NCAPD2: variants seen among roughly 807,000 people sequenced by gnomAD.
NCAPD2 encodes condensin complex subunit 1.
Under a neutral mutation model 164.5 loss-of-function variants are expected in NCAPD2, and 100 were observed. The ratio of observed to expected loss-of-function variants is 0.61; its 90% CI spans 0.52 to 0.72. NCAPD2 has a LOEUF of 0.72. Ranked by LOEUF, NCAPD2 falls within the 30% of genes least tolerant of loss-of-function variation. The pLI, the probability that NCAPD2 is intolerant of heterozygous loss-of-function variation, is 0.00. For missense variants in NCAPD2, 1,560 were observed against 1,749.2 expected, an observed-to-expected ratio of 0.89 and a Z score of 1.93; for synonymous variants, 585 against 642.6, an observed-to-expected ratio of 0.91 and a Z score of 1.36.
At chr12:6,510,607 T>TC (rs1443873754) in intron 4 of NCAPD2, 22 bp from the exon 5 acceptor site, 1 of 1,613,662 alleles carries the variant, frequency 6.2e-7, no homozygotes, top group Admixed American at 1.7e-5. Context: ...TGAAACTGAC[T>TC]CCAAGATTCT....
At chr12:6,499,964 T>C (rs1278614557) in intron 2 of NCAPD2, among the ~76,000 whole-genome samples, 1 of 151,874 alleles carries the variant, frequency 6.6e-6, no homozygotes, top group Non-Finnish European at 1.5e-5. Flanking sequence ...CTACCAAAAT[T>C]ACAAAAAAGT....
At chr12:6,506,440 AT>A (rs1238521505) in intron 2 of NCAPD2, among the ~76,000 whole-genome samples, 1 of 151,962 alleles carries the variant, frequency 6.6e-6, no homozygotes, top group Non-Finnish European at 1.5e-5. Context: ...AGTACAAAAA[AT>A]TAGCCGGGCA....
chr12:6,518,204 C>T, intron 13 of NCAPD2: 1 of 315,004 alleles, frequency 3.2e-6, no homozygotes, highest in Non-Finnish European at 5.9e-6. Flanking sequence ...TATAATCAAA[C>T]ATGAGTCCTC....
At chr12:6,508,068 C>T (rs1230567624) in intron 2 of NCAPD2, among the ~76,000 whole-genome samples, 2 of 152,174 alleles carry the variant, frequency 1.3e-5, no homozygotes, top group Admixed American at 6.5e-5. Context: ...CAGTGGCTCA[C>T]GCCTGTAATC....
intron 27 of NCAPD2, 96 bp from the exon 28 acceptor site, chr12:6,529,417 G>C (rs960726959): frequency 6.3e-6 from 7 of 1,111,636 alleles, no homozygotes; most frequent in Non-Finnish European, 9.6e-6. Context: ...GAGAACATCA[G>C]AGAAGACGAG....
rs150767309 is a variant in NCAPD2, at chr12:6,528,114, C to T, written c.3143+23C>T. On this transcript the variant is annotated intron_variant, in intron 24 of 31. Coordinates refer to ENST00000315579, the MANE Select transcript of NCAPD2 (RefSeq NM_014865.4). The surrounding 1 kb of genome is among the most constrained non-coding windows in gnomAD (Gnocchi z 5.1). Reference sequence around the variant, plus strand: ...CAGGTAGGCCGTGGGGTTGGTACCCCCTTCTCAAGGAAGATGGGGATGAAA... The same window carrying T: ...CAGGTAGGCCGTGGGGTTGGTACCCTCTTCTCAAGGAAGATGGGGATGAAA... 12 of 1,614,204 alleles carry T rather than the reference C, an allele frequency of 7.4e-6. No homozygotes were observed. In the South Asian group the frequency reaches 8.8e-5, roughly 12 times the overall value.
Position 6,528,148 on chromosome 12 carries a change from C to T in NCAPD2, c.3144-25C>T. 18 of 1,614,200 alleles carry T rather than the reference C, an allele frequency of 1.1e-5. No homozygotes were observed. The highest frequency in any genetic ancestry group is 1.4e-5 in the Non-Finnish European group (17 of 1,180,030). ...GGAAGATGGGGATGAAATGGCTTCC[C>T]TAATGATCCTCTTCTTGCTCTTAGT... On this transcript the variant is annotated intron_variant, in intron 24 of 31. Coordinates refer to ENST00000315579, the MANE Select transcript of NCAPD2 (RefSeq NM_014865.4). This position sits in a 1 kb window ranked among gnomAD's most constrained non-coding sequence, Gnocchi z 5.1.
rs1488373909 is a variant in NCAPD2, at chr12:6,495,174, T to C, written c.76T>C (p.Tyr26His). ...ELLKSGGVNQ[Y>H]VVQEVLSIKH... is the part of the protein sequence containing the mutation. ...GTTGAAAAGTGGAGGGGTGAATCAGTATGTTGTGCAAGAGGTACTGTCCAT... is the reference window on the plus strand; with the variant it reads ...GTTGAAAAGTGGAGGGGTGAATCAGCATGTTGTGCAAGAGGTACTGTCCAT... Residue 26 changes from tyrosine to histidine, a missense_variant, in exon 2 of 32, where the codon TAT becomes CAT. Tyr to His is a moderately conservative substitution (Grantham distance 83, BLOSUM62 2). Transcript: ENST00000315579. The C allele has an allele frequency of 6.2e-7, 1 of 1,614,114 alleles. No homozygotes were observed. The highest frequency in any genetic ancestry group is 8.5e-7 in the Non-Finnish European group (1 of 1,180,006).
intron 9 of NCAPD2, 112 bp from the exon 10 acceptor site, chr12:6,516,716 C>T (rs1425001591): frequency 2.9e-6 from 3 of 1,035,398 alleles, no homozygotes; most frequent in South Asian, 1.5e-5. Context: ...TCAGCTTTCT[C>T]CTGTGACCTT....
intron 4 of NCAPD2, 193 bp downstream of exon 4, chr12:6,510,326 T>C (rs745753665): frequency 1.4e-5 from 11 of 796,904 alleles, no homozygotes; most frequent in Non-Finnish European, 2.5e-5. Context: ...TACAGAGTTA[T>C]GTGTGTTCAC....
chr12:6,504,389 T>C (rs556552671), intron 2 of NCAPD2, among the ~76,000 whole-genome samples: 1 of 151,584 alleles, frequency 6.6e-6, no homozygotes, highest in South Asian at 2.1e-4. Context: ...TAACAGTTTT[T>C]TTATTTTGTT....
At position 6,521,841 on chromosome 12, in the gene NCAPD2, A is replaced by G. The variant is rs1946266079; in HGVS notation, c.1758A>G (p.Thr586=). 2 of 1,614,184 alleles carry G rather than the reference A, an allele frequency of 1.2e-6. No homozygotes were observed. Among genetic ancestry groups the G allele is most frequent in the East Asian group, 4.5e-5 (2 of 44,890 alleles). The change falls in exon 15 of 32, where the codon ACA becomes ACG. Residue 586 remains threonine, a synonymous_variant. Coordinates refer to ENST00000315579, the MANE Select transcript of NCAPD2 (RefSeq NM_014865.4). The part of the protein sequence containing the change: ...STQEKNPRES[T]GNMVTGQTVC... ...AAGAAAAGAATCCCCGGGAGTCTAC[A>G]GGAAACATGGTCACAGGACAGACTG...
chr12:6,521,700 A>C, intron 14 of NCAPD2, 98 bp from the exon 15 acceptor site: 3 of 1,442,558 alleles, frequency 2.1e-6, no homozygotes, highest in Non-Finnish European at 2.8e-6. Flanking sequence ...GAAAAGAAGA[A>C]GGAAAATAAA....
rs373905082 is a variant in NCAPD2 at position 6,528,974 on chromosome 12, T to C, written c.3507T>C (p.Asp1169=). The change falls in exon 27 of 32, where the codon GAT becomes GAC. Residue 1169 remains aspartate (D), a synonymous_variant. Coordinates refer to ENST00000315579, the MANE Select transcript of NCAPD2 (RefSeq NM_014865.4). This position sits in a 1 kb window ranked among gnomAD's most constrained non-coding sequence, Gnocchi z 5.1. ...ACGCAATCTATAATCTCCTTCCAGA[T>C]ATCATCAGCCGCCTGTCAGACCCCG... ...KGNAIYNLLP[D]IISRLSDPEL... The C allele has an allele frequency of 4.3e-5, 69 of 1,613,826 alleles. No individual in the cohort carries two copies. The highest frequency in any genetic ancestry group is 3.4e-4 in the Middle Eastern group (2 of 5,926).
chr12:6,522,157 C>T, intron 15 of NCAPD2, 120 bp downstream of exon 15: 1 of 1,128,628 alleles, frequency 8.9e-7, no homozygotes, highest in Non-Finnish European at 1.2e-6. Context: ...TGGTCTCCAA[C>T]TCCTGGGCTC....
chr12:6,509,709 C>T lies in NCAPD2; in HGVS notation c.128-8C>T, dbSNP rs751159520. ...CTCCAAATTGATTTGTTTTTTCCAT[C>T]TTCATAGCTTTTCAGGCTGCCTTTC... is the stretch of plus-strand genomic sequence containing the variant. On this transcript the variant is annotated splice_polypyrimidine_tract_variant and splice_region_variant and intron_variant, in intron 2 of 31. Coordinates refer to ENST00000315579, the MANE Select transcript of NCAPD2 (RefSeq NM_014865.4). The T allele has an allele frequency of 1.9e-6, 3 of 1,613,446 alleles. No individual in the cohort carries two copies. The highest frequency in any genetic ancestry group is 2.7e-5 in the African/African-American group (2 of 74,986).
intron 2 of NCAPD2, among the ~76,000 whole-genome samples, chr12:6,502,531 G>A (rs1361461431): frequency 6.6e-6 from 1 of 152,190 alleles, no homozygotes; most frequent in Non-Finnish European, 1.5e-5. Context: ...GTGGTCACAT[G>A]AATGGAGTAA....
chr12:6,528,092 G>A lies in NCAPD2; in HGVS notation c.3143+1G>A. 6.2e-7 allele frequency: 1 copy of A among 1,614,230 alleles called. No homozygotes were observed. Among genetic ancestry groups the A allele is most frequent in the Non-Finnish European group, 8.5e-7 (1 of 1,180,044 alleles). On this transcript the variant is annotated splice_donor_variant, in intron 24 of 31. Coordinates refer to ENST00000315579, the MANE Select transcript of NCAPD2 (RefSeq NM_014865.4). LOFTEE classifies it high-confidence loss of function. The surrounding 1 kb of genome is among the most constrained non-coding windows in gnomAD (Gnocchi z 5.1). ...CCCTTGGCAAGTTCTGCATGATCAG[G>A]TAGGCCGTGGGGTTGGTACCCCCTT... is the stretch of plus-strand genomic sequence containing the variant.
chr12:6,498,980 A>T (rs1946009263), intron 2 of NCAPD2, among the ~76,000 whole-genome samples: 1 of 152,112 alleles, frequency 6.6e-6, no homozygotes, highest in Non-Finnish European at 1.5e-5. Flanking sequence ...TGGGGCCATT[A>T]TTAAGTAAAA....
Sources: gnomAD v4.1 joint callset for allele counts (sites outside exome capture counted in the v4.1 genomes callset) on GRCh38, gnomAD v4.1.1 for gene constraint, Gnocchi (gnomAD v3.1) non-coding constraint, MANE v1.5 for transcripts, NCBI Gene and HGNC (gene_info 2026-07-23, HGNC 2026-07-21) for gene names.